Variants in PAN3 observed in about 807,000 individuals in gnomAD.
PAN3 encodes the protein PAN2-PAN3 deadenylation complex subunit PAN3.
In PAN3, 19 loss-of-function variants were observed where a neutral mutation model predicts 96.2. That is an observed-to-expected ratio of 0.20 (90% CI 0.14 to 0.29). The LOEUF is 0.29. Ranked by LOEUF, PAN3 falls within the 10% of genes least tolerant of loss-of-function variation. PAN3 has a pLI of 1.00. For synonymous variants in PAN3, 433 were observed against 406.6 expected (o/e 1.06, Z -0.78); for missense variants, 882 against 1,108.1 (o/e 0.80, Z 2.90).
intron 6 of PAN3, among the ~76,000 whole-genome samples, chr13:28,222,478 G>C (rs1372971307): frequency 6.6e-6 from 1 of 152,032 alleles, no homozygotes; most frequent in Non-Finnish European, 1.5e-5. Flanking sequence ...TTTTAAAAGT[G>C]CTCTTCATTC....
chr13:28,213,882 C>T (rs1195808310), intron 5 of PAN3, among the ~76,000 whole-genome samples: 5 of 152,002 alleles, frequency 3.3e-5, no homozygotes, highest in African/African-American at 9.7e-5. Flanking sequence ...AATGAGATAC[C>T]ACTACACACC....
intron 1 of PAN3, among the ~76,000 whole-genome samples, chr13:28,170,659 G>C (rs1188418205): frequency 5.3e-5 from 8 of 152,110 alleles, no homozygotes; most frequent in Non-Finnish European, 1.2e-4. Context: ...AGGAAAATGT[G>C]AAGAGTAGAT....
chr13:28,198,776 A>G (rs1213665003), intron 5 of PAN3, among the ~76,000 whole-genome samples: 1 of 152,236 alleles, frequency 6.6e-6, no homozygotes, highest in Admixed American at 6.5e-5. Context: ...CACACACAGA[A>G]AAGATATAAC....
At chr13:28,147,460 G>A (rs537021337) in intron 1 of PAN3, among the ~76,000 whole-genome samples, 117 of 152,298 alleles carry the variant, frequency 7.7e-4, no homozygotes, top group Non-Finnish European at 1.4e-3. Flanking sequence ...TTGAAAATGC[G>A]TTTAATTCAC....
chr13:28,225,619 A>G (rs546907693), intron 6 of PAN3, among the ~76,000 whole-genome samples: 2 of 152,324 alleles, frequency 1.3e-5, no homozygotes, highest in South Asian at 4.1e-4. Flanking sequence ...GAATTCATTA[A>G]CTAACCAAGG....
intron 6 of PAN3, among the ~76,000 whole-genome samples, chr13:28,236,767 G>A (rs1215340612): frequency 2.6e-5 from 4 of 152,204 alleles, no homozygotes; most frequent in Admixed American, 2.6e-4. Flanking sequence ...TAGGCTTAGA[G>A]CAGGGTTCTT....
At chr13:28,292,279 G>A (rs185788223) in intron 18 of PAN3, 103 bp from the exon 19 acceptor site, 1 of 1,227,000 alleles carries the variant, frequency 8.1e-7, no homozygotes, top group Non-Finnish European at 1.1e-6. Flanking sequence ...GAAAGGGAAT[G>A]TGACAAAAAA....
At chr13:28,166,752 C>T (rs1011424760) in intron 1 of PAN3, among the ~76,000 whole-genome samples, 14 of 152,194 alleles carry the variant, frequency 9.2e-5, no homozygotes, top group Non-Finnish European at 1.9e-4. Flanking sequence ...GTAGGCATCA[C>T]CAAGGTTTAC....
chr13:28,187,014 A>T (rs1163971112), intron 4 of PAN3, among the ~76,000 whole-genome samples: 1 of 152,156 alleles, frequency 6.6e-6, no homozygotes, highest in Non-Finnish European at 1.5e-5. Context: ...AGCCTGGGCA[A>T]CATGGTAAGA....
intron 1 of PAN3, among the ~76,000 whole-genome samples, chr13:28,140,636 C>A (rs1869624336): frequency 2.0e-5 from 3 of 152,286 alleles, no homozygotes; most frequent in African/African-American, 7.2e-5. Flanking sequence ...CCTGCCTGGG[C>A]CTCCCAAAGT....
chr13:28,279,751 T>G (rs1268277492), intron 15 of PAN3, among the ~76,000 whole-genome samples: 2 of 151,320 alleles, frequency 1.3e-5, no homozygotes, highest in Non-Finnish European at 3.0e-5. Context: ...AGAACGAGAC[T>G]CTGTCACCAA....
At chr13:28,166,895 C>T (rs1320914714) in intron 1 of PAN3, among the ~76,000 whole-genome samples, 1 of 152,124 alleles carries the variant, frequency 6.6e-6, no homozygotes, top group Non-Finnish European at 1.5e-5. Flanking sequence ...CCCTGGGCAA[C>T]TGGGCCTCTC....
chr13:28,214,683 C>A (rs924530790), intron 5 of PAN3: 14 of 457,004 alleles, frequency 3.1e-5, no homozygotes, highest in Non-Finnish European at 5.6e-5. Flanking sequence ...TTCAAGTATT[C>A]CTGGGTCTTG....
intron 1 of PAN3, among the ~76,000 whole-genome samples, chr13:28,162,646 TAAA>T (rs59805706): frequency 2.9e-5 from 4 of 140,102 alleles, no homozygotes; most frequent in African/African-American, 1.0e-4. Flanking sequence ...GACTCTGCCT[TAAA>T]AAAAAAAAAG....
chr13:28,138,600 T>G lies in PAN3; in HGVS notation c.-58T>G. Reference sequence around the variant, plus strand: ...GCGTCTTCCTTTCCTCCCCCGTCTATGGTGGTGGCGGCGGCGGCTCCTCGG... The same window carrying G: ...GCGTCTTCCTTTCCTCCCCCGTCTAGGGTGGTGGCGGCGGCGGCTCCTCGG... On this transcript the variant is annotated 5_prime_UTR_variant, in exon 1 of 19. An upstream start codon of the reference 5' UTR is lost. Coordinates refer to ENST00000380958, the MANE Select transcript of PAN3 (RefSeq NM_175854.8). 1 of 369,478 alleles carries G rather than the reference T, an allele frequency of 2.7e-6. No homozygotes were observed. The highest frequency in any genetic ancestry group is 4.4e-6 in the Non-Finnish European group (1 of 228,084). The allele number at this position is 369,478 out of a possible 1,614,324, so 22.9% of individuals were successfully genotyped here.
intron 6 of PAN3, among the ~76,000 whole-genome samples, chr13:28,229,482 C>A (rs1415138030): frequency 6.6e-6 from 1 of 152,140 alleles, no homozygotes; most frequent in African/African-American, 2.4e-5. Flanking sequence ...TTGTATTGAA[C>A]CAGAATACAC....
In PAN3 at chr13:28,277,356, T is replaced by G. The variant is rs747844329; in HGVS notation, c.2169T>G (p.Ser723=). ...AMELVTINYS[S]DLKNLILYLL... is the part of the protein sequence containing the mutation. ...AACTGGTGACAATCAACTATTCCTC[T>G]GACCTGAAGAATCTGATTTTGTAAG... Residue 723 remains serine (S), a synonymous_variant, in exon 15 of 19, where the codon TCT becomes TCG. Coordinates refer to ENST00000380958, the MANE Select transcript of PAN3 (RefSeq NM_175854.8). The G allele has an allele frequency of 4.4e-5, 71 of 1,610,518 alleles. No individual in the cohort carries two copies. The Admixed American group carries it at 1.2e-3, about 27-fold the overall frequency.
At position 28,138,905 on chromosome 13, in the gene PAN3, G is replaced by A. The variant is rs1159851629; in HGVS notation, c.248G>A (p.Ser83Asn). The A allele has an allele frequency of 1.2e-5, 17 of 1,386,694 alleles. No individual in the cohort carries two copies. The highest frequency in any genetic ancestry group is 1.5e-5 in the Non-Finnish European group (16 of 1,074,546). The allele number at this position is 1,386,694 out of a possible 1,614,324, so 85.9% of individuals were successfully genotyped here. A position where few individuals can be genotyped will look rare whatever the true frequency, so the allele number is the denominator to read the frequency against. Residue 83 changes from serine to asparagine, a missense_variant, in exon 1 of 19, where the codon AGC (serine) becomes AAC (asparagine). Transcript: ENST00000380958. ...GCTGCCCCGGGCCTCGGCCTCCATA[G>A]CAACAGCGTCCCCCTGGCTCTGGCT... ...AGAAPGLGLHSNSVPLALAGA... is the reference protein window; with the variant it reads ...AGAAPGLGLHNNSVPLALAGA...
At chr13:28,246,473 C>A (rs9513063) in intron 6 of PAN3, among the ~76,000 whole-genome samples, 92,132 of 152,152 alleles carry the variant, frequency 0.61, 29,568 homozygotes, top group Admixed American at 0.73. Context: ...TTTTGAATTA[C>A]ACAATAAATT....
Sources: allele counts gnomAD v4.1 joint callset (sites outside exome capture counted in the v4.1 genomes callset), GRCh38; gene constraint gnomAD v4.1.1; transcripts MANE v1.5; gene names NCBI Gene and HGNC (gene_info 2026-07-23, HGNC 2026-07-21).